The following DTHD1 variants were observed in gnomAD, a reference collection of about 807,000 sequenced individuals.
The protein encoded by DTHD1 is death domain containing 1.
In DTHD1, 59 loss-of-function variants were observed where a neutral mutation model predicts 74.8. The observed-to-expected ratio is 0.79, with a 90% CI of 0.64 to 0.98. The LOEUF (loss-of-function observed/expected upper bound fraction) is 0.98, where lower values mean the gene tolerates loss of function less well. Ranked by LOEUF, DTHD1 falls within the 50% of genes least tolerant of loss-of-function variation. DTHD1 has a pLI of 0.00. For missense variants in DTHD1, 1,051 were observed against 1,065.4 expected (o/e 0.99, Z 0.19); for synonymous variants, 365 against 371.1 (o/e 0.98, Z 0.19).
intron 8 of DTHD1, among the ~76,000 whole-genome samples, chr4:36,321,305 G>A (rs1758025307): frequency 6.6e-6 from 1 of 152,198 alleles, no homozygotes; most frequent in Non-Finnish European, 1.5e-5. Context: ...TGAACGTTGG[G>A]CAAGTGAGCA....
intron 2 of DTHD1, among the ~76,000 whole-genome samples, chr4:36,287,563 C>G (rs983667203): frequency 6.6e-6 from 1 of 152,212 alleles, no homozygotes; most frequent in Non-Finnish European, 1.5e-5. Flanking sequence ...ATTCTCCACA[C>G]TGTTTTCCAT....
rs1325560201 is a variant in DTHD1 at position 36,281,665 on chromosome 4, T to A, written c.-94T>A. ...GGGCTAGCTGACTCGGATCATCTCC[T>A]AGAGTTTAGGAGAAATAACAATCAC... On this transcript the variant is annotated 5_prime_UTR_variant, in exon 1 of 10. Coordinates refer to ENST00000639862, the MANE Select transcript of DTHD1 (RefSeq NM_001170700.3). 5.7e-6 allele frequency: 7 copies of A among 1,234,698 alleles called. No individual in the cohort carries two copies. The African/African-American group carries it at 1.1e-4, about 19-fold the overall frequency. The allele number at this position is 1,234,698 out of a possible 1,614,324, so 76.5% of individuals were successfully genotyped here.
In DTHD1 at chr4:36,343,511, G is replaced by A; in HGVS notation, c.2408G>A (p.Trp803Ter). 6.4e-7 allele frequency: 1 copy of A among 1,551,072 alleles called. No homozygotes were observed. The highest frequency in any genetic ancestry group is 8.7e-7 in the Non-Finnish European group (1 of 1,146,630). ...RVSKDPVEAL[W>*]DNLLHWLAEE... Reference sequence around the variant, plus strand: ...CTCCTGTGCCTGACAGAAGCCCTTTGGGATAACTTGCTCCATTGGCTGGCT... The same window carrying A: ...CTCCTGTGCCTGACAGAAGCCCTTTAGGATAACTTGCTCCATTGGCTGGCT... Residue 803 changes from tryptophan to a stop codon, truncating the protein, a stop_gained, in exon 10 of 10, where the codon TGG (tryptophan) becomes TAG (stop). Transcript: ENST00000639862. LOFTEE classifies it high-confidence loss of function.
At chr4:36,293,000 G>C (rs1473025727) in intron 3 of DTHD1, among the ~76,000 whole-genome samples, 1 of 152,190 alleles carries the variant, frequency 6.6e-6, no homozygotes, top group African/African-American at 2.4e-5. Flanking sequence ...CTGCACAGAG[G>C]AGAGGCAAAG....
chr4:36,297,574 G>T (rs146258718), intron 5 of DTHD1, among the ~76,000 whole-genome samples: 1 of 152,152 alleles, frequency 6.6e-6, no homozygotes, highest in African/African-American at 2.4e-5. Flanking sequence ...CAAGCAAAAG[G>T]GTTTTGGTTA....
At chr4:36,336,972 G>A (rs1263213706) in intron 8 of DTHD1, among the ~76,000 whole-genome samples, 1 of 152,096 alleles carries the variant, frequency 6.6e-6, no homozygotes, top group Non-Finnish European at 1.5e-5. Context: ...GGAAAGTGGG[G>A]GGAAATGAGA....
At position 36,290,557 on chromosome 4, in the gene DTHD1, G is replaced by C; in HGVS notation, c.1072G>C (p.Val358Leu). The C allele has an allele frequency of 6.4e-7, 1 of 1,551,560 alleles. No individual in the cohort carries two copies. The highest frequency in any genetic ancestry group is 8.7e-7 in the Non-Finnish European group (1 of 1,146,976). Residue 358 changes from valine to leucine, a missense_variant, in exon 3 of 10, where the codon GTT becomes CTT. Val to Leu is a conservative substitution (Grantham distance 32). Coordinates refer to ENST00000639862, the MANE Select transcript of DTHD1 (RefSeq NM_001170700.3). ...TGAATGCTCAGATAAGGAAAAGAGA[G>C]TTCCATTTCCAATAGGCATTGCAAT... ...TIECSDKEKR[V>L]PFPIGIAIPF...
rs539623948 is a variant in DTHD1 at position 36,285,789 on chromosome 4, G to T, written c.887+1198G>T. Among the ~76,000 whole-genome samples, 6 of 152,188 alleles carry T rather than the reference G, an allele frequency of 3.9e-5. No individual in the cohort carries two copies. The East Asian group carries it at 1.2e-3, about 29-fold the overall frequency. Reference sequence around the variant, plus strand: ...TGTAGAAATAATATATACATCCTGGGATTATTTGGTAAGGTCAAATGAGAA... The same window carrying T: ...TGTAGAAATAATATATACATCCTGGTATTATTTGGTAAGGTCAAATGAGAA... On this transcript the variant is annotated intron_variant, in intron 2 of 9. Coordinates refer to ENST00000639862, the MANE Select transcript of DTHD1 (RefSeq NM_001170700.3).
chr4:36,297,512 C>T (rs534688629), intron 5 of DTHD1, among the ~76,000 whole-genome samples: 6 of 152,132 alleles, frequency 3.9e-5, no homozygotes, highest in South Asian at 4.1e-4. Flanking sequence ...TCCCCCAAGC[C>T]GAAGCAATTA....
chr4:36,305,261 C>T (rs979994203), intron 5 of DTHD1, among the ~76,000 whole-genome samples: 1 of 152,182 alleles, frequency 6.6e-6, no homozygotes, highest in Admixed American at 6.5e-5. Flanking sequence ...CTGATAAAGA[C>T]ATACCCAAGA....
chr4:36,295,929 G>A (rs1333916306), intron 5 of DTHD1, among the ~76,000 whole-genome samples: 4 of 152,004 alleles, frequency 2.6e-5, no homozygotes, highest in Admixed American at 1.3e-4. Flanking sequence ...AACAATCAAA[G>A]GCCTAGGTGA....
At chr4:36,287,295 G>A (rs1344876171) in intron 2 of DTHD1, among the ~76,000 whole-genome samples, 1 of 152,210 alleles carries the variant, frequency 6.6e-6, no homozygotes, top group Non-Finnish European at 1.5e-5. Flanking sequence ...AGGTTGCTGT[G>A]AATGCCATTA....
intron 7 of DTHD1, chr4:36,315,819 T>C (rs1428412874): frequency 6.5e-6 from 1 of 154,242 alleles, no homozygotes; most frequent in Non-Finnish European, 1.4e-5. Flanking sequence ...TGCCTATTGC[T>C]CCTTTGTCAG....
At chr4:36,342,918 CAAAA>C (rs55956868) in intron 9 of DTHD1, among the ~76,000 whole-genome samples, 2 of 96,992 alleles carry the variant, frequency 2.1e-5, no homozygotes, top group African/African-American at 7.9e-5. Flanking sequence ...ACTAAAAATA[CAAAA>C]AAAAAAAAAA....
chr4:36,327,687 G>GT (rs1758432431), intron 8 of DTHD1, among the ~76,000 whole-genome samples: 2 of 152,146 alleles, frequency 1.3e-5, no homozygotes, highest in East Asian at 3.8e-4. Flanking sequence ...CATTTAGTAG[G>GT]TAAAAAATGA....
At chr4:36,285,653 A>AAG (rs1206990946) in intron 2 of DTHD1, among the ~76,000 whole-genome samples, 15 of 151,452 alleles carry the variant, frequency 9.9e-5, no homozygotes, top group Non-Finnish European at 7.4e-5. Flanking sequence ...TGAAAAAAAA[A>AAG]AATATGTGTT....
chr4:36,342,334 T>C (rs774948201), intron 9 of DTHD1, among the ~76,000 whole-genome samples: 1 of 151,074 alleles, frequency 6.6e-6, no homozygotes, highest in African/African-American at 2.4e-5. Context: ...TTTACAGGAG[T>C]GTGTAGGAGG....
At chr4:36,290,229 G>A (rs994092434) in intron 2 of DTHD1, 144 bp from the exon 3 acceptor site, 2 of 779,752 alleles carry the variant, frequency 2.6e-6, no homozygotes, top group Non-Finnish European at 4.0e-6. Context: ...GAGAGGCTGA[G>A]GATCTTGCCC....
chr4:36,291,842 T>C (rs1209592970), intron 3 of DTHD1, among the ~76,000 whole-genome samples: 3 of 152,106 alleles, frequency 2.0e-5, no homozygotes, highest in African/African-American at 7.2e-5. Context: ...ACAATAAAAA[T>C]AATAAATTTA....
Sources: gnomAD v4.1 joint callset for allele counts (sites outside exome capture counted in the v4.1 genomes callset) on GRCh38, gnomAD v4.1.1 for gene constraint, MANE v1.5 for transcripts, NCBI Gene and HGNC (gene_info 2026-07-23, HGNC 2026-07-21) for gene names.